DPY19L4: variants seen among roughly 807,000 people sequenced by gnomAD.
DPY19L4 encodes probable C-mannosyltransferase DPY19L4.
A neutral mutation model predicts 102.8 loss-of-function variants in DPY19L4; 97 were observed. That is an observed-to-expected ratio of 0.94 (90% CI 0.80 to 1.12). The LOEUF is 1.12. DPY19L4 is among the 50% of genes most tolerant of loss of function. The pLI is 0.00. For synonymous variants in DPY19L4, 252 were observed against 283.1 expected (o/e 0.89, Z 1.10); for missense variants, 815 against 850.4 (o/e 0.96, Z 0.52).
chr8:94,770,089 G>T (rs1812859295), intron 12 of DPY19L4, among the ~76,000 whole-genome samples: 2 of 152,044 alleles, frequency 1.3e-5, no homozygotes, highest in Non-Finnish European at 2.9e-5. Context: ...GTTTCATCAT[G>T]TTGGCCAGGC....
At chr8:94,747,387 A>G (rs919755617) in intron 6 of DPY19L4, among the ~76,000 whole-genome samples, 18 of 141,258 alleles carry the variant, frequency 1.3e-4, no homozygotes, top group African/African-American at 4.9e-4. Flanking sequence ...TGTAGCATTT[A>G]TTATTAAGAC....
intron 14 of DPY19L4, among the ~76,000 whole-genome samples, chr8:94,779,763 T>C (rs1472592853): frequency 6.6e-6 from 1 of 152,192 alleles, no homozygotes; most frequent in African/African-American, 2.4e-5. Context: ...ATAACTTAGA[T>C]GTTTCCTGGG....
intron 12 of DPY19L4, among the ~76,000 whole-genome samples, chr8:94,768,799 C>T (rs1316029763): frequency 3.3e-5 from 5 of 151,754 alleles, no homozygotes; most frequent in Admixed American, 2.0e-4. Context: ...TGAGACCAGC[C>T]GGTCCAATAT....
chr8:94,729,631 A>G (rs1233578270), intron 2 of DPY19L4, among the ~76,000 whole-genome samples: 8 of 136,360 alleles, frequency 5.9e-5, no homozygotes, highest in Non-Finnish European at 6.2e-5. Context: ...ATTTAAGCCT[A>G]GGCAATACAG....
chr8:94,770,433 A>T lies in DPY19L4; in HGVS notation c.1335-19A>T. 1 of 1,594,078 alleles carries T rather than the reference A, an allele frequency of 6.3e-7. No homozygotes were observed. The highest frequency in any genetic ancestry group is 8.5e-7 in the Non-Finnish European group (1 of 1,174,008). Reference sequence around the variant, plus strand: ...AAATACATTTTCAAAGTATTAAAAAATACATTTTCTTTTTGTAGTGGTAAG... The same window carrying T: ...AAATACATTTTCAAAGTATTAAAAATTACATTTTCTTTTTGTAGTGGTAAG... On this transcript the variant is annotated intron_variant, in intron 12 of 18. Coordinates refer to ENST00000414645, the MANE Select transcript of DPY19L4 (RefSeq NM_181787.3).
At position 94,742,353 on chromosome 8, in the gene DPY19L4, G is replaced by A. The variant is rs183928122; in HGVS notation, c.611+2563G>A. Among the ~76,000 whole-genome samples the A allele has an allele frequency of 7.4e-3, 1,118 of 151,018 alleles. 10 individuals carry two copies. The highest frequency in any genetic ancestry group is 0.051 in the Middle Eastern group (15 of 294). On this transcript the variant is annotated intron_variant, in intron 6 of 18. Coordinates refer to ENST00000414645, the MANE Select transcript of DPY19L4 (RefSeq NM_181787.3). The stretch of plus-strand genomic sequence containing the variant: ...AGCCTGGGCGACAGAGCGAGACTCC[G>A]TCTCAAAAAAAAAGAAAGTCTTATA...
chr8:94,720,102 C>A (rs976256876), intron 1 of DPY19L4, 88 bp downstream of exon 1: 3 of 1,435,632 alleles, frequency 2.1e-6, no homozygotes, highest in Admixed American at 3.0e-5. Flanking sequence ...GTTGGAGCTG[C>A]TGGTGGCCGC....
rs117571582 is a variant in DPY19L4 at position 94,721,007 on chromosome 8, C to T, written c.16+993C>T. 7.2e-3 allele frequency among the ~76,000 whole-genome samples: 1,093 copies of T among 151,864 alleles called. 61 individuals are homozygous for T. In the East Asian group the frequency reaches 0.15, roughly 21 times the overall value. ...TGTTGCCCAGTCTAGAGTGCAAAGG[C>T]GCGATCTCGGTTCACCGCAACCTCC... On this transcript the variant is annotated intron_variant, in intron 1 of 18. Coordinates refer to ENST00000414645, the MANE Select transcript of DPY19L4 (RefSeq NM_181787.3).
intron 1 of DPY19L4, among the ~76,000 whole-genome samples, chr8:94,720,967 A>G (rs1316877793): frequency 3.3e-5 from 5 of 151,414 alleles, no homozygotes; most frequent in African/African-American, 7.3e-5. Flanking sequence ...TTTTTTTGAA[A>G]CGGAGTTTCG....
At chr8:94,724,613 G>A (rs549033710) in intron 1 of DPY19L4, among the ~76,000 whole-genome samples, 5 of 151,946 alleles carry the variant, frequency 3.3e-5, no homozygotes, top group Admixed American at 6.6e-5. Context: ...TTTTTGAGAC[G>A]GAGTCTCCCT....
At chr8:94,747,060 CTGT>C (rs1261284233) in intron 6 of DPY19L4, among the ~76,000 whole-genome samples, 3 of 150,812 alleles carry the variant, frequency 2.0e-5, no homozygotes, top group Non-Finnish European at 4.4e-5. Flanking sequence ...TTTTTTGTTG[CTGT>C]TGTTTCGGGT....
At chr8:94,777,905 A>G in intron 14 of DPY19L4, 119 bp downstream of exon 14, 2 of 1,217,140 alleles carry the variant, frequency 1.6e-6, no homozygotes, top group Non-Finnish European at 2.2e-6. Flanking sequence ...ACTTACAGGT[A>G]GAAAAACAGA....
At position 94,739,419 on chromosome 8, in the gene DPY19L4, A is replaced by C; in HGVS notation, c.350A>C (p.Tyr117Ser). 7 of 1,576,746 alleles carry C rather than the reference A, an allele frequency of 4.4e-6. No homozygotes were observed. The highest frequency in any genetic ancestry group is 6.0e-6 in the Non-Finnish European group (7 of 1,167,290). Residue 117 changes from tyrosine to serine, a missense_variant, in exon 5 of 19, where the codon TAC becomes TCC. Physicochemically the swap from Tyr to Ser is moderately radical, Grantham distance 144 (BLOSUM62 -2). Coordinates refer to ENST00000414645, the MANE Select transcript of DPY19L4 (RefSeq NM_181787.3). Reference sequence around the variant, plus strand: ...AAAATCTTTCTGTCTTTAGGTGTTTACGAACTGACACACAATAACAAAACT... The same window carrying C: ...AAAATCTTTCTGTCTTTAGGTGTTTCCGAACTGACACACAATAACAAAACT... The part of the protein sequence containing the change: ...LKAPSFERGV[Y>S]ELTHNNKTVS...
chr8:94,752,116 C>A (rs1811960059), intron 6 of DPY19L4, among the ~76,000 whole-genome samples: 1 of 152,118 alleles, frequency 6.6e-6, no homozygotes, highest in South Asian at 2.1e-4. Context: ...TAAGATACTG[C>A]CAAACTGTTT....
chr8:94,739,497 T>G lies in DPY19L4; in HGVS notation c.428T>G (p.Leu143Arg), dbSNP rs1187312946. The G allele has an allele frequency of 6.2e-7, 1 of 1,607,940 alleles. No homozygotes were observed. The highest frequency in any genetic ancestry group is 2.2e-5 in the East Asian group (1 of 44,836). Reference sequence around the variant, plus strand: ...CAGCAAATGTCTCTGTATCCGGAACTTATTGCTAGCATTTTATATCAAGCC... The same window carrying G: ...CAGCAAATGTCTCTGTATCCGGAACGTATTGCTAGCATTTTATATCAAGCC... ...AVQQMSLYPELIASILYQATG... is the reference protein window; with the variant it reads ...AVQQMSLYPERIASILYQATG... The change falls in exon 5 of 19, where the codon CTT becomes CGT. Residue 143 changes from leucine (L) to arginine (R), a missense_variant. Transcript: ENST00000414645.
chr8:94,768,886 G>A (rs1010445744), intron 12 of DPY19L4, among the ~76,000 whole-genome samples: 6 of 151,232 alleles, frequency 4.0e-5, no homozygotes, highest in African/African-American at 7.3e-5. Flanking sequence ...AGCTGGGTGC[G>A]CCTGTAATCC....
intron 6 of DPY19L4, among the ~76,000 whole-genome samples, chr8:94,742,957 G>A (rs1811511799): frequency 6.6e-6 from 1 of 151,864 alleles, no homozygotes. Flanking sequence ...CGCCTGCCTT[G>A]GCTTCCCAAA....
At chr8:94,761,208 G>A (rs1040613013) in intron 7 of DPY19L4, among the ~76,000 whole-genome samples, 2 of 152,008 alleles carry the variant, frequency 1.3e-5, no homozygotes, top group African/African-American at 2.4e-5. Context: ...CATAGAGATC[G>A]CAACTCCAGA....
At chr8:94,757,222 A>G (rs1229322362) in intron 7 of DPY19L4, among the ~76,000 whole-genome samples, 1 of 152,192 alleles carries the variant, frequency 6.6e-6, no homozygotes, top group Non-Finnish European at 1.5e-5. Context: ...CTTTATAAAA[A>G]TCTCTGAAAA....
Sources: gnomAD v4.1 joint callset for allele counts (sites outside exome capture counted in the v4.1 genomes callset) on GRCh38, gnomAD v4.1.1 for gene constraint, MANE v1.5 for transcripts, NCBI Gene and HGNC (gene_info 2026-07-23, HGNC 2026-07-21) for gene names.